COL24A1: variants seen among roughly 807,000 people sequenced by gnomAD.
The protein encoded by COL24A1 is collagen type XXIV alpha 1 chain, also known as collagen alpha-1(XXIV) chain.
In COL24A1, 224 loss-of-function variants were observed where a neutral mutation model predicts 253.9. The ratio of observed to expected loss-of-function variants is 0.88; its 90% CI spans 0.79 to 0.99. The LOEUF (loss-of-function observed/expected upper bound fraction) is 0.99. COL24A1 is among the 50% of genes least tolerant of loss of function. COL24A1 has a pLI of 0.00. For missense variants in COL24A1, 2,131 were observed against 2,068.5 expected (o/e 1.03, Z -0.59); for synonymous variants, 685 against 673.7 (o/e 1.02, Z -0.26).
intron 19 of COL24A1, among the ~76,000 whole-genome samples, chr1:85,992,159 G>A (rs1241689704): frequency 2.0e-5 from 3 of 151,840 alleles, no homozygotes; most frequent in Admixed American, 6.6e-5. Context: ...ACCTATGAGT[G>A]AGAACATGCG....
At chr1:85,969,313 C>G (rs547851259) in intron 22 of COL24A1, among the ~76,000 whole-genome samples, 1 of 151,890 alleles carries the variant, frequency 6.6e-6, no homozygotes. Context: ...ATTTTAAGAA[C>G]CAGTACTTTG....
Position 86,023,230 on chromosome 1 carries a change from T to C in COL24A1, c.2050-223A>G, listed in dbSNP as rs184297686. ...TTTTTCTGAAACCTTTTCATATTTG[T>C]CTAGTCCACAGAGATTCTTTCCTCC... is the stretch of plus-strand genomic sequence containing the variant. On this transcript the variant is annotated intron_variant, in intron 14 of 59. Coordinates refer to ENST00000370571, the MANE Select transcript of COL24A1 (RefSeq NM_152890.7). Among the ~76,000 whole-genome samples, 199 of 152,300 alleles carry C rather than the reference T, an allele frequency of 1.3e-3. 2 individuals are homozygous for C. The highest frequency in any genetic ancestry group is 4.6e-3 in the African/African-American group (193 of 41,572).
At chr1:86,034,290 C>A (rs1394440497) in intron 12 of COL24A1, among the ~76,000 whole-genome samples, 2 of 152,116 alleles carry the variant, frequency 1.3e-5, no homozygotes, top group Admixed American at 1.3e-4. Flanking sequence ...TTCCTATACT[C>A]ACCCCATAGA....
intron 5 of COL24A1, among the ~76,000 whole-genome samples, chr1:86,106,199 A>G (rs1704966604): frequency 6.6e-6 from 1 of 152,174 alleles, no homozygotes; most frequent in Non-Finnish European, 1.5e-5. Context: ...GAAAAATTGT[A>G]CTTCTAGTTA....
chr1:85,757,300 T>C (rs1456337641), intron 55 of COL24A1, among the ~76,000 whole-genome samples: 1 of 152,180 alleles, frequency 6.6e-6, no homozygotes, highest in African/African-American at 2.4e-5. Context: ...CAATTTGTCC[T>C]CTAGGTATTC....
intron 43 of COL24A1, among the ~76,000 whole-genome samples, chr1:85,831,207 A>T (rs1675238339): frequency 6.6e-6 from 1 of 152,072 alleles, no homozygotes; most frequent in South Asian, 2.1e-4. Flanking sequence ...GTCAATCAAG[A>T]CGGAGTGTGG....
intron 7 of COL24A1, among the ~76,000 whole-genome samples, chr1:86,073,622 C>T (rs754292135): frequency 3.3e-5 from 5 of 152,136 alleles, no homozygotes; most frequent in Non-Finnish European, 7.3e-5. Flanking sequence ...ACAGAGAACA[C>T]CACAATGATA....
At chr1:85,852,866 A>G (rs1212235895) in intron 37 of COL24A1, among the ~76,000 whole-genome samples, 1 of 151,916 alleles carries the variant, frequency 6.6e-6, no homozygotes, top group African/African-American at 2.4e-5. Context: ...CCCAGGCGGG[A>G]CTTGAACTCC....
chr1:85,887,840 C>T (rs1202337518), intron 32 of COL24A1, among the ~76,000 whole-genome samples: 3 of 152,188 alleles, frequency 2.0e-5, no homozygotes, highest in Non-Finnish European at 2.9e-5. Flanking sequence ...TGTTGTAGTT[C>T]TTTAAGCCTC....
chr1:85,845,387 C>T (rs1677055799), intron 39 of COL24A1, among the ~76,000 whole-genome samples: 1 of 151,798 alleles, frequency 6.6e-6, no homozygotes, highest in South Asian at 2.1e-4. Context: ...TTGGTCAAAA[C>T]TCTCATTTAA....
At chr1:86,075,990 A>G (rs1397244687) in intron 7 of COL24A1, among the ~76,000 whole-genome samples, 1 of 152,192 alleles carries the variant, frequency 6.6e-6, no homozygotes, top group African/African-American at 2.4e-5. Context: ...GCACAAAACA[A>G]GGATGCCCTC....
intron 35 of COL24A1, among the ~76,000 whole-genome samples, chr1:85,871,038 T>C (rs1680411915): frequency 6.6e-6 from 1 of 152,076 alleles, no homozygotes; most frequent in African/African-American, 2.4e-5. Flanking sequence ...CCCACAGAAA[T>C]ACAAACTACC....
At chr1:85,848,121 T>C (rs1431763776) in intron 38 of COL24A1, among the ~76,000 whole-genome samples, 1 of 152,194 alleles carries the variant, frequency 6.6e-6, no homozygotes, top group Non-Finnish European at 1.5e-5. Context: ...TCTGTTTCTA[T>C]AGAGAATTTC....
At chr1:85,787,050 A>C (rs1669755897) in intron 47 of COL24A1, among the ~76,000 whole-genome samples, 1 of 152,228 alleles carries the variant, frequency 6.6e-6, no homozygotes, top group Non-Finnish European at 1.5e-5. Flanking sequence ...CATTGAAAAG[A>C]ATAATACTTA....
intron 43 of COL24A1, among the ~76,000 whole-genome samples, chr1:85,825,125 CA>C (rs1399793728): frequency 2.1e-5 from 3 of 143,906 alleles, no homozygotes; most frequent in Non-Finnish European, 4.5e-5. Context: ...TTCCTGTGTC[CA>C]TGTGTTCTCA....
At chr1:85,985,874 G>C (rs2100906841) in intron 20 of COL24A1, among the ~76,000 whole-genome samples, 1 of 151,794 alleles carries the variant, frequency 6.6e-6, no homozygotes, top group Admixed American at 6.6e-5. Context: ...GTGGCAGGTG[G>C]GGTTGCCTGA....
At chr1:86,009,885 G>A (rs992396544) in intron 19 of COL24A1, among the ~76,000 whole-genome samples, 9 of 152,086 alleles carry the variant, frequency 5.9e-5, no homozygotes, top group Admixed American at 1.3e-4. Context: ...GAGGCCCATC[G>A]TTGACCAAAA....
At chr1:86,133,002 C>T (rs983481722) in intron 2 of COL24A1, among the ~76,000 whole-genome samples, 12 of 59,790 alleles carry the variant, frequency 2.0e-4, no homozygotes, top group African/African-American at 4.9e-4. Context: ...CCTATGAGCA[C>T]GGAATGTTCT....
At chr1:85,785,890 C>T (rs1309249368) in intron 48 of COL24A1, among the ~76,000 whole-genome samples, 4 of 152,150 alleles carry the variant, frequency 2.6e-5, no homozygotes, top group Non-Finnish European at 4.4e-5. Flanking sequence ...ACAGACTCCA[C>T]ACAATAAATG....
Sources: allele counts gnomAD v4.1 joint callset (sites outside exome capture counted in the v4.1 genomes callset), GRCh38; gene constraint gnomAD v4.1.1; transcripts MANE v1.5; gene names NCBI Gene and HGNC (gene_info 2026-07-23, HGNC 2026-07-21).